Variants in SH3BP4 observed in about 807,000 individuals in gnomAD.
SH3BP4 encodes the protein SH3 domain binding protein 4.
In SH3BP4, 33 loss-of-function variants were observed where a neutral mutation model predicts 65.5. That is an observed-to-expected ratio of 0.50 (90% CI 0.38 to 0.67). The LOEUF (loss-of-function observed/expected upper bound fraction) is 0.67. Among genes scored for constraint, SH3BP4 ranks in the 30% least tolerant of loss-of-function variants. The probability of loss-of-function intolerance (pLI) is 0.00; values close to 1 mark genes in which losing one functional copy is unlikely to be tolerated. For synonymous variants in SH3BP4, 552 were observed against 545.5 expected, an observed-to-expected ratio of 1.01 and a Z score of -0.17; for missense variants, 1,134 against 1,261.4, an observed-to-expected ratio of 0.90 and a Z score of 1.53.
chr2:234,969,691 C>A (rs942980088), intron 1 of SH3BP4, among the ~76,000 whole-genome samples: 1 of 152,208 alleles, frequency 6.6e-6, no homozygotes, highest in Non-Finnish European at 1.5e-5. Context: ...TTATCCCGAG[C>A]CTGCTCCTGC....
At chr2:234,984,050 G>A (rs1318423933) in intron 1 of SH3BP4, among the ~76,000 whole-genome samples, 1 of 152,252 alleles carries the variant, frequency 6.6e-6, no homozygotes, top group East Asian at 1.9e-4. Flanking sequence ...GCCATCTGAG[G>A]TTGGGGCTGG....
intron 2 of SH3BP4, among the ~76,000 whole-genome samples, chr2:235,013,647 G>T (rs1289112349): frequency 6.6e-6 from 1 of 152,172 alleles, no homozygotes; most frequent in East Asian, 1.9e-4. Context: ...GGGTAAGGGG[G>T]TTTTGCCTGC....
At chr2:235,017,045 CTTTTTTTTTT>C (rs995197698) in intron 2 of SH3BP4, among the ~76,000 whole-genome samples, 4 of 88,440 alleles carry the variant, frequency 4.5e-5, no homozygotes, top group African/African-American at 1.8e-4. Context: ...GTTTGCCTTT[CTTTTTTTTTT>C]TTTTTTTTTT....
At chr2:235,002,568 A>G (rs1352845780) in intron 2 of SH3BP4, among the ~76,000 whole-genome samples, 6 of 152,210 alleles carry the variant, frequency 3.9e-5, no homozygotes, top group Admixed American at 6.5e-5. Context: ...TCTATAAAAA[A>G]TACAAAAAAT....
Position 235,054,068 on chromosome 2 carries a change from C to CT in SH3BP4, c.*258dup. On this transcript the variant is annotated 3_prime_UTR_variant, in exon 6 of 6. Coordinates refer to ENST00000392011, the MANE Select transcript of SH3BP4 (RefSeq NM_014521.3). ...AAGTATAAATTTAAATTTAAAATCA[C>CT]TTTTTTAACGAATGGGGGGAAGGGA... is the stretch of plus-strand genomic sequence containing the variant. 2 of 427,838 alleles carry CT rather than the reference C, an allele frequency of 4.7e-6. No homozygotes were observed. The highest frequency in any genetic ancestry group is 8.4e-6 in the Non-Finnish European group (2 of 239,520). The allele number at this position is 427,838 out of a possible 1,614,324, so 26.5% of individuals were successfully genotyped here.
chr2:234,998,287 G>C (rs1177356004), intron 2 of SH3BP4, among the ~76,000 whole-genome samples: 2 of 152,134 alleles, frequency 1.3e-5, no homozygotes, highest in Non-Finnish European at 2.9e-5. Context: ...TGGCCAATGG[G>C]AATAAATCAT....
chr2:235,055,463 C>T lies in SH3BP4; in HGVS notation c.*1647C>T, dbSNP rs192558506. The T allele has an allele frequency of 2.7e-4, 41 of 152,750 alleles. No individual in the cohort carries two copies. The highest frequency in any genetic ancestry group is 7.2e-4 in the Admixed American group (11 of 15,296). 9.5% of individuals were successfully genotyped at this position (152,750 alleles called of 1,614,324 possible). A position where few individuals can be genotyped will look rare whatever the true frequency, so the allele number is the denominator to read the frequency against. Reference sequence around the variant, plus strand: ...TATAACCTTCGATTGTGCTTCTCAACTCCACCCCATAATTTCTCCCAGAGA... The same window carrying T: ...TATAACCTTCGATTGTGCTTCTCAATTCCACCCCATAATTTCTCCCAGAGA... On this transcript the variant is annotated 3_prime_UTR_variant, in exon 6 of 6. Transcript: ENST00000392011.
At chr2:234,961,185 GT>G (rs1474152652) in intron 1 of SH3BP4, among the ~76,000 whole-genome samples, 2 of 152,230 alleles carry the variant, frequency 1.3e-5, no homozygotes, top group African/African-American at 4.8e-5. Flanking sequence ...CGCTCCTGGA[GT>G]TGGGCAGTTT....
chr2:235,040,550 A>C (rs1208725164), intron 3 of SH3BP4, among the ~76,000 whole-genome samples: 1 of 151,174 alleles, frequency 6.6e-6, no homozygotes, highest in Non-Finnish European at 1.5e-5. Flanking sequence ...AGTTCTTTTA[A>C]GAAGAATTTT....
At chr2:234,962,146 G>GT (rs1692729027) in intron 1 of SH3BP4, among the ~76,000 whole-genome samples, 1 of 152,010 alleles carries the variant, frequency 6.6e-6, no homozygotes, top group South Asian at 2.1e-4. Flanking sequence ...TCAGCTTTTG[G>GT]TTTTTTTGGA....
At chr2:235,051,871 C>T (rs968745762) in intron 4 of SH3BP4, among the ~76,000 whole-genome samples, 30 of 152,282 alleles carry the variant, frequency 2.0e-4, no homozygotes, top group African/African-American at 5.8e-4. Flanking sequence ...GAAATGCATT[C>T]GTTTCTCTCT....
intron 1 of SH3BP4, among the ~76,000 whole-genome samples, chr2:234,982,931 G>A (rs10803627): frequency 0.27 from 40,456 of 152,060 alleles, 5,886 homozygotes; most frequent in East Asian, 0.58. Context: ...TGATGAGGCA[G>A]TGGGGCTGTA....
intron 1 of SH3BP4, among the ~76,000 whole-genome samples, chr2:234,956,559 T>A (rs1442992860): frequency 8.7e-6 from 1 of 115,062 alleles, no homozygotes; most frequent in Non-Finnish European, 2.0e-5. Flanking sequence ...CCCTGCCTCT[T>A]TTTTTTTTTT....
chr2:234,962,967 C>T (rs1312891729), intron 1 of SH3BP4, among the ~76,000 whole-genome samples: 3 of 152,158 alleles, frequency 2.0e-5, no homozygotes, highest in Non-Finnish European at 4.4e-5. Context: ...CCAGGCTGTT[C>T]TCAAACTCCT....
At chr2:235,049,142 G>A (rs113118286) in intron 4 of SH3BP4, among the ~76,000 whole-genome samples, 2,347 of 152,300 alleles carry the variant, frequency 0.015, 34 homozygotes, top group Non-Finnish European at 0.026. Flanking sequence ...CTTGGTGTTG[G>A]AAGTGCCGAC....
intron 2 of SH3BP4, among the ~76,000 whole-genome samples, chr2:235,028,780 G>A (rs1695084647): frequency 6.6e-6 from 1 of 152,188 alleles, no homozygotes; most frequent in African/African-American, 2.4e-5. Flanking sequence ...AATGAAGTGA[G>A]GGGATGAGAG....
rs1459783772 is a variant in SH3BP4 at position 235,055,281 on chromosome 2, C to T, written c.*1465C>T. ...AAAACTGCTTTCTTGAAACATGTTA[C>T]TTCCTTAGTATAATCAATGTATACT... On this transcript the variant is annotated 3_prime_UTR_variant, in exon 6 of 6. Coordinates refer to ENST00000392011, the MANE Select transcript of SH3BP4 (RefSeq NM_014521.3). 6.6e-6 allele frequency: 1 copy of T among 152,412 alleles called. No individual in the cohort carries two copies. The allele number at this position is 152,412 out of a possible 1,614,324, so 9.4% of individuals were successfully genotyped here. A position where few individuals can be genotyped will look rare whatever the true frequency, so the allele number is the denominator to read the frequency against.
chr2:234,969,637 T>C (rs187823404), intron 1 of SH3BP4, among the ~76,000 whole-genome samples: 44 of 152,306 alleles, frequency 2.9e-4, no homozygotes, highest in African/African-American at 1.0e-3. Context: ...GCCTCCGCTT[T>C]TCCACACAGC....
rs904193013 is a variant in SH3BP4 at position 235,052,292 on chromosome 2, C to T, written c.2479-270C>T. ...CATCTTAATTCTATCTGCAAAGACC[C>T]CATTTTCAAGTAAGGTCACGTTCTG... On this transcript the variant is annotated intron_variant, in intron 4 of 5. Transcript: ENST00000392011. This position sits in a 1 kb window ranked among gnomAD's most constrained non-coding sequence, Gnocchi z 5.0. Among the ~76,000 whole-genome samples the T allele has an allele frequency of 6.6e-6, 1 of 152,112 alleles. No homozygotes were observed. Among genetic ancestry groups the T allele is most frequent in the African/African-American group, 2.4e-5 (1 of 41,440 alleles).
Sources: gnomAD v4.1 joint callset for allele counts (sites outside exome capture counted in the v4.1 genomes callset) on GRCh38, gnomAD v4.1.1 for gene constraint, Gnocchi (gnomAD v3.1) non-coding constraint, MANE v1.5 for transcripts, NCBI Gene and HGNC (gene_info 2026-07-23, HGNC 2026-07-21) for gene names.